NLGN1: variants seen among roughly 807,000 people sequenced by gnomAD.
NLGN1 encodes neuroligin-1.
NLGN1 carries 12 observed loss-of-function variants against 65.5 expected under a neutral mutation model. The observed-to-expected ratio is 0.18, with a 90% confidence interval of 0.12 to 0.30. The LOEUF is 0.30. Ranked by LOEUF, NLGN1 falls within the 10% of genes least tolerant of loss-of-function variation. The pLI is 1.00. For missense variants in NLGN1, 750 were observed against 1,007.1 expected (o/e 0.74, Z 3.46); for synonymous variants, 350 against 359.5 (o/e 0.97, Z 0.30).
At chr3:174,220,693 T>C (rs1738482646) in intron 4 of NLGN1, among the ~76,000 whole-genome samples, 1 of 140,108 alleles carries the variant, frequency 7.1e-6, no homozygotes, top group Admixed American at 7.0e-5. Context: ...GATCCATTTT[T>C]TGAATCCTAA....
At chr3:173,725,559 T>C (rs561110140) in intron 3 of NLGN1, among the ~76,000 whole-genome samples, 6 of 152,228 alleles carry the variant, frequency 3.9e-5, no homozygotes, top group Non-Finnish European at 7.3e-5. Flanking sequence ...ACTTCATAGT[T>C]AGAGGGCTCA....
chr3:174,024,087 G>A (rs1224188697), intron 4 of NLGN1, among the ~76,000 whole-genome samples: 2 of 148,014 alleles, frequency 1.4e-5, no homozygotes, highest in African/African-American at 2.5e-5. Flanking sequence ...CAGAGTAACA[G>A]GGCTTTGTCC....
intron 3 of NLGN1, among the ~76,000 whole-genome samples, chr3:173,705,041 A>G (rs1253951887): frequency 1.3e-5 from 2 of 152,166 alleles, no homozygotes; most frequent in Non-Finnish European, 2.9e-5. Flanking sequence ...TTGATAAGCC[A>G]TCTTCATTCA....
At chr3:173,572,405 A>G (rs1324826586) in intron 2 of NLGN1, among the ~76,000 whole-genome samples, 1 of 152,254 alleles carries the variant, frequency 6.6e-6, no homozygotes, top group Admixed American at 6.5e-5. Context: ...AGTGTGAAAA[A>G]TAGATTGGAT....
chr3:173,474,827 G>A (rs1251701047), intron 2 of NLGN1, among the ~76,000 whole-genome samples: 2 of 151,976 alleles, frequency 1.3e-5, no homozygotes, highest in African/African-American at 4.8e-5. Flanking sequence ...GCATGGTGGT[G>A]CACGCCTGTA....
intron 2 of NLGN1, among the ~76,000 whole-genome samples, chr3:173,546,724 A>G (rs1739912755): frequency 6.6e-6 from 1 of 152,194 alleles, no homozygotes; most frequent in Non-Finnish European, 1.5e-5. Context: ...TGTTCAACTG[A>G]TAATGAAATG....
intron 4 of NLGN1, among the ~76,000 whole-genome samples, chr3:174,268,853 A>G (rs1429143445): frequency 1.3e-5 from 2 of 152,088 alleles, no homozygotes; most frequent in Non-Finnish European, 2.9e-5. Context: ...GTCATTAAAG[A>G]GCAAATTGTC....
chr3:173,656,953 A>T (rs898624861), intron 3 of NLGN1, among the ~76,000 whole-genome samples: 1 of 152,080 alleles, frequency 6.6e-6, no homozygotes, highest in Admixed American at 6.6e-5. Flanking sequence ...AAGACGAGGA[A>T]ATCATTTTGT....
chr3:174,191,920 A>G (rs987491656), intron 4 of NLGN1, among the ~76,000 whole-genome samples: 3 of 152,162 alleles, frequency 2.0e-5, no homozygotes, highest in African/African-American at 4.8e-5. Flanking sequence ...TCCTTATTCA[A>G]TGCTGAAAAT....
intron 4 of NLGN1, among the ~76,000 whole-genome samples, chr3:173,987,345 G>A (rs1440018871): frequency 1.3e-5 from 2 of 152,126 alleles, no homozygotes; most frequent in Non-Finnish European, 2.9e-5. Flanking sequence ...ATTGACTCAA[G>A]AAATCAAGAT....
intron 3 of NLGN1, chr3:173,789,766 T>G (rs1578442096): frequency 2.2e-6 from 1 of 452,376 alleles, no homozygotes; most frequent in East Asian, 6.9e-5. Flanking sequence ...TGTTCCACAC[T>G]CCGCCCATCC....
exon 7 of NLGN1, chr3:174,286,120 A>AT (rs1752085017): frequency 6.6e-6 from 1 of 151,376 alleles, no homozygotes; most frequent in South Asian, 2.1e-4. Context: ...ATAGGTATAT[A>AT]TTTTTTTCTA....
chr3:173,617,828 C>A lies in NLGN1; in HGVS notation c.493+12737C>A, dbSNP rs1039330296. 4.6e-5 allele frequency among the ~76,000 whole-genome samples: 7 copies of A among 152,300 alleles called. No individual in the cohort carries two copies. In the South Asian group the frequency reaches 1.4e-3, roughly 32 times the overall value. Reference sequence around the variant, plus strand: ...GAAAATGGTTTTTCTTTAGTAGACACAAGCTTCATTTTTCCTTTCCCACCT... The same window carrying A: ...GAAAATGGTTTTTCTTTAGTAGACAAAAGCTTCATTTTTCCTTTCCCACCT... On this transcript the variant is annotated intron_variant, in intron 3 of 6. Transcript: ENST00000457714.
chr3:173,589,559 G>C (rs935604360), intron 2 of NLGN1, among the ~76,000 whole-genome samples: 4 of 152,194 alleles, frequency 2.6e-5, no homozygotes, highest in Non-Finnish European at 4.4e-5. Context: ...AGTTGGGGAA[G>C]AGATTGAATA....
intron 1 of NLGN1, among the ~76,000 whole-genome samples, chr3:173,401,154 GA>G (rs1717611666): frequency 6.6e-6 from 1 of 152,090 alleles, no homozygotes; most frequent in African/African-American, 2.4e-5. Context: ...TGTTATGGGG[GA>G]GTGTACTGTA....
chr3:173,979,437 G>C (rs967616587), intron 4 of NLGN1, among the ~76,000 whole-genome samples: 1 of 152,126 alleles, frequency 6.6e-6, no homozygotes, highest in African/African-American at 2.4e-5. Flanking sequence ...TGAGCACAAG[G>C]TGAAAGTTGA....
At chr3:174,144,521 C>T (rs1722851567) in intron 4 of NLGN1, among the ~76,000 whole-genome samples, 1 of 152,172 alleles carries the variant, frequency 6.6e-6, no homozygotes, top group Non-Finnish European at 1.5e-5. Flanking sequence ...AACTAATTTA[C>T]ACTCCCACCA....
intron 4 of NLGN1, among the ~76,000 whole-genome samples, chr3:173,944,136 T>C (rs1226435433): frequency 6.6e-6 from 1 of 150,632 alleles, no homozygotes; most frequent in African/African-American, 2.4e-5. Context: ...TGTGTGTGTG[T>C]GTGTGTGTGT....
chr3:174,292,424 C>T, the NLGN1 span, among the ~76,000 whole-genome samples: 1 of 151,198 alleles, frequency 6.6e-6, no homozygotes, highest in Non-Finnish European at 1.5e-5. Flanking sequence ...GATGATCTCA[C>T]TATCTAAAGA....
Sources: allele counts gnomAD v4.1 joint callset (sites outside exome capture counted in the v4.1 genomes callset), GRCh38; gene constraint gnomAD v4.1.1; transcripts MANE v1.5; gene names NCBI Gene and HGNC (gene_info 2026-07-23, HGNC 2026-07-21).